Variants in TAS2R1 observed in about 807,000 individuals in gnomAD.
TAS2R1 encodes taste 2 receptor member 1.
For synonymous variants in TAS2R1, 141 were observed against 134.2 expected (o/e 1.05, Z -0.35); for missense variants, 370 against 353.4 (o/e 1.05, Z -0.38).
At chr5:9,733,246 G>T in the TAS2R1 span, among the ~76,000 whole-genome samples, 1 of 152,190 alleles carries the variant, frequency 6.6e-6, no homozygotes, top group Non-Finnish European at 1.5e-5. Flanking sequence ...CTGTTTTTGT[G>T]AATAAAGTTT....
chr5:9,651,261 T>C lies in TAS2R1; in HGVS notation c.-81+8160A>G, dbSNP rs537161688. ...CACATATACATCACTGGATTAATCC[T>C]CATTGTGGTATTAAATCTAATTAAC... On this transcript the variant is annotated intron_variant, in intron 2 of 2. Coordinates refer to the TAS2R1 transcript ENST00000506620. 6.6e-5 allele frequency among the ~76,000 whole-genome samples: 10 copies of C among 152,320 alleles called. No individual in the cohort carries two copies. The South Asian group carries it at 2.1e-3, about 32-fold the overall frequency.
chr5:9,831,106 A>AGGAAAT, the TAS2R1 span, among the ~76,000 whole-genome samples: 1 of 152,242 alleles, frequency 6.6e-6, no homozygotes, highest in Non-Finnish European at 1.5e-5. Flanking sequence ...AGGAAATCTC[A>AGGAAAT]CTAACAAGCA....
upstream of TAS2R1, among the ~76,000 whole-genome samples, chr5:9,633,144 G>T (rs1292294311): frequency 1.3e-5 from 2 of 151,234 alleles, no homozygotes; most frequent in African/African-American, 4.9e-5. Context: ...TTCCATCAAA[G>T]CTCTTAGGTA....
Position 9,655,215 on chromosome 5 carries a change from C to A in TAS2R1, c.-81+4206G>T, listed in dbSNP as rs181356366. Among the ~76,000 whole-genome samples, 154 of 152,252 alleles carry A rather than the reference C, an allele frequency of 1.0e-3. 1 individual carries two copies. The highest frequency in any genetic ancestry group is 3.6e-3 in the African/African-American group (149 of 41,558). The stretch of plus-strand genomic sequence containing the variant: ...TTTCTCAGGGAAGAGAAATGTTCTA[C>A]ATTTTGATTGTAATCATGGTTACAT... On this transcript the variant is annotated intron_variant, in intron 2 of 2. Coordinates refer to the TAS2R1 transcript ENST00000506620.
intron 1 of TAS2R1, among the ~76,000 whole-genome samples, chr5:9,674,756 C>T (rs1164484908): frequency 6.6e-6 from 1 of 152,036 alleles, no homozygotes; most frequent in East Asian, 1.9e-4. Flanking sequence ...CCATTTTTCA[C>T]ATAACCCAGA....
chr5:9,900,745 C>T, the TAS2R1 span, among the ~76,000 whole-genome samples: 7 of 151,804 alleles, frequency 4.6e-5, no homozygotes, highest in African/African-American at 7.3e-5. Flanking sequence ...CTCAGCCTCC[C>T]GAGCAGCTGG....
the TAS2R1 span, among the ~76,000 whole-genome samples, chr5:9,796,315 C>G: frequency 3.9e-5 from 6 of 152,208 alleles, no homozygotes; most frequent in Admixed American, 3.9e-4. Context: ...ATCTACCCCA[C>G]TGGGCCCAGG....
the TAS2R1 span, among the ~76,000 whole-genome samples, chr5:9,832,800 G>A: frequency 2.0e-5 from 3 of 152,234 alleles, no homozygotes; most frequent in African/African-American, 7.2e-5. Context: ...TAAACCGAAA[G>A]TTGTCTGAGA....
chr5:9,724,075 G>A, the TAS2R1 span, among the ~76,000 whole-genome samples: 3 of 152,190 alleles, frequency 2.0e-5, 1 homozygote, highest in African/African-American at 7.2e-5. Flanking sequence ...AAGACTTAAG[G>A]AACAGCTCAT....
At chr5:9,841,162 C>T in the TAS2R1 span, among the ~76,000 whole-genome samples, 1 of 152,138 alleles carries the variant, frequency 6.6e-6, no homozygotes, top group South Asian at 2.1e-4. Context: ...ATTTTTCTCT[C>T]TGGATGCTTT....
chr5:9,744,637 GT>G, the TAS2R1 span, among the ~76,000 whole-genome samples: 1 of 152,132 alleles, frequency 6.6e-6, no homozygotes, highest in Non-Finnish European at 1.5e-5. Context: ...AAACAGAGTG[GT>G]GTCTGGTTTG....
At chr5:9,633,758 A>C (rs906882655), upstream of TAS2R1, among the ~76,000 whole-genome samples, 1 of 151,772 alleles carries the variant, frequency 6.6e-6, no homozygotes, top group Non-Finnish European at 1.5e-5. Context: ...AGACTTGTCT[A>C]TTCATGTCCT....
intron 1 of TAS2R1, among the ~76,000 whole-genome samples, chr5:9,695,257 T>C (rs1408266095): frequency 6.6e-6 from 1 of 152,236 alleles, no homozygotes; most frequent in African/African-American, 2.4e-5. Context: ...GTCATCTTGC[T>C]GTAGTCCTGA....
At chr5:9,739,527 A>G in the TAS2R1 span, among the ~76,000 whole-genome samples, 1 of 152,246 alleles carries the variant, frequency 6.6e-6, no homozygotes, top group Non-Finnish European at 1.5e-5. Flanking sequence ...CTAACCCAGC[A>G]TCCAAAAAAC....
At chr5:9,825,038 C>T in the TAS2R1 span, among the ~76,000 whole-genome samples, 1 of 152,264 alleles carries the variant, frequency 6.6e-6, no homozygotes, top group South Asian at 2.1e-4. Flanking sequence ...AGCTTGCCAC[C>T]AAAGATGCAG....
the TAS2R1 span, among the ~76,000 whole-genome samples, chr5:9,844,004 A>G: frequency 6.6e-6 from 1 of 152,204 alleles, no homozygotes; most frequent in South Asian, 2.1e-4. Flanking sequence ...TGCCCTCTTC[A>G]TCAAGCTAGC....
chr5:9,633,266 A>AGTGT (rs141170591), upstream of TAS2R1, among the ~76,000 whole-genome samples: 202 of 121,886 alleles, frequency 1.7e-3, 6 homozygotes, highest in African/African-American at 5.6e-3. Flanking sequence ...AGTATTCCAT[A>AGTGT]GTGTGTGTGT....
the TAS2R1 span, among the ~76,000 whole-genome samples, chr5:9,884,551 G>A: frequency 6.6e-6 from 1 of 151,248 alleles, no homozygotes; most frequent in Non-Finnish European, 1.5e-5. Context: ...AGTTTTGGAG[G>A]AGACAATCAA....
chr5:9,888,380 T>C, the TAS2R1 span, among the ~76,000 whole-genome samples: 4 of 152,218 alleles, frequency 2.6e-5, no homozygotes, highest in African/African-American at 9.6e-5. Flanking sequence ...GTTTTCTCTG[T>C]CAAGTCACTT....
Sources: gnomAD v4.1 joint callset for allele counts (sites outside exome capture counted in the v4.1 genomes callset) on GRCh38, gnomAD v4.1.1 for gene constraint, MANE v1.5 for transcripts, NCBI Gene and HGNC (gene_info 2026-07-23, HGNC 2026-07-21) for gene names.